The following SLC25A21 variants were observed in gnomAD, a reference collection of about 807,000 sequenced individuals.
SLC25A21 encodes the protein solute carrier family 25 member 21.
Under a neutral mutation model 43.8 loss-of-function variants are expected in SLC25A21, and 47 were observed. The ratio of observed to expected loss-of-function variants is 1.07; its 90% CI spans 0.85 to 1.37. The LOEUF (loss-of-function observed/expected upper bound fraction) is 1.37, where lower values mean the gene tolerates loss of function less well. SLC25A21 is among the 40% of genes most tolerant of loss of function. SLC25A21 has a pLI of 0.00. For synonymous variants in SLC25A21, 131 were observed against 121.3 expected (o/e 1.08, Z -0.52); for missense variants, 352 against 350.2 (o/e 1.00, Z -0.04).
intron 1 of SLC25A21, among the ~76,000 whole-genome samples, chr14:37,033,936 T>A (rs1382419237): frequency 6.6e-6 from 1 of 152,210 alleles, no homozygotes; most frequent in African/African-American, 2.4e-5. Flanking sequence ...TCCAAGAAGC[T>A]GAACACTTGT....
chr14:36,895,517 G>C (rs1891213298), intron 1 of SLC25A21, among the ~76,000 whole-genome samples: 1 of 152,036 alleles, frequency 6.6e-6, no homozygotes, highest in Admixed American at 6.5e-5. Flanking sequence ...TTTTTTGAAG[G>C]GTTTTTTGTG....
At chr14:37,132,823 C>T (rs1344245715) in intron 1 of SLC25A21, among the ~76,000 whole-genome samples, 2 of 151,940 alleles carry the variant, frequency 1.3e-5, no homozygotes, top group South Asian at 2.1e-4. Flanking sequence ...TCAACCTCCC[C>T]AGGCACAGGT....
At chr14:36,834,340 A>C (rs1889135487) in intron 2 of SLC25A21, among the ~76,000 whole-genome samples, 1 of 152,182 alleles carries the variant, frequency 6.6e-6, no homozygotes, top group South Asian at 2.1e-4. Context: ...ATATGGTAGA[A>C]ATAAAAAGGC....
intron 1 of SLC25A21, among the ~76,000 whole-genome samples, chr14:36,943,090 A>G (rs1371778012): frequency 6.6e-6 from 1 of 152,180 alleles, no homozygotes; most frequent in African/African-American, 2.4e-5. Flanking sequence ...ACATCAGTCA[A>G]GTCCACCAAG....
At chr14:37,111,982 A>G (rs1963027933) in intron 1 of SLC25A21, among the ~76,000 whole-genome samples, 1 of 152,224 alleles carries the variant, frequency 6.6e-6, no homozygotes, top group Non-Finnish European at 1.5e-5. Context: ...TTTTGCACCA[A>G]TAATGATTCT....
chr14:36,724,800 C>T (rs1884525365), intron 6 of SLC25A21, among the ~76,000 whole-genome samples: 2 of 151,982 alleles, frequency 1.3e-5, no homozygotes, highest in Non-Finnish European at 2.9e-5. Context: ...TCAGAATCTT[C>T]CAGGATGGGT....
At chr14:37,088,754 A>C (rs1031526926) in intron 1 of SLC25A21, among the ~76,000 whole-genome samples, 1 of 151,916 alleles carries the variant, frequency 6.6e-6, no homozygotes, top group African/African-American at 2.4e-5. Context: ...CCATAGGATC[A>C]TTTCCTTCTG....
chr14:37,001,551 C>T (rs1960489986), intron 1 of SLC25A21, among the ~76,000 whole-genome samples: 1 of 152,064 alleles, frequency 6.6e-6, no homozygotes, highest in Non-Finnish European at 1.5e-5. Flanking sequence ...TATGATAATT[C>T]CCAGAAATGT....
At chr14:37,091,398 C>T (rs114980732) in intron 1 of SLC25A21, among the ~76,000 whole-genome samples, 8,161 of 151,218 alleles carry the variant, frequency 0.054, 746 homozygotes, top group African/African-American at 0.19. Flanking sequence ...TGCACCACTG[C>T]GCTCCAGCCC....
chr14:37,089,211 C>T (rs1962538491), intron 1 of SLC25A21, among the ~76,000 whole-genome samples: 1 of 152,040 alleles, frequency 6.6e-6, no homozygotes, highest in African/African-American at 2.4e-5. Flanking sequence ...TGAAAAAAAT[C>T]ATAGACTTTC....
chr14:36,909,855 A>G (rs1891635217), intron 1 of SLC25A21, among the ~76,000 whole-genome samples: 1 of 152,032 alleles, frequency 6.6e-6, no homozygotes, highest in African/African-American at 2.4e-5. Flanking sequence ...AAACAAGGGA[A>G]TATATAGATT....
chr14:36,942,804 C>T (rs1051954315), intron 1 of SLC25A21, among the ~76,000 whole-genome samples: 2 of 152,170 alleles, frequency 1.3e-5, no homozygotes, highest in African/African-American at 4.8e-5. Context: ...GTATTTGGGA[C>T]ATAAGTAACC....
intron 1 of SLC25A21, among the ~76,000 whole-genome samples, chr14:37,107,921 G>A (rs1026917791): frequency 6.6e-6 from 1 of 152,134 alleles, no homozygotes; most frequent in African/African-American, 2.4e-5. Flanking sequence ...GACAGTTCCA[G>A]TTTATGCCTG....
rs71124784 is a variant in SLC25A21, at chr14:36,903,614, GAAAAAAAAAAAAAAAAA to G, written c.71-28627_71-28611del. ...GGTGACAGAGTGAGACTCCGTCTCA[GAAAAAAAAAAAAAAAAA>G]AAAAAAAAAAAATTGGTCGCCAAAA... On this transcript the variant is annotated intron_variant, in intron 1 of 9. Coordinates refer to ENST00000331299, the MANE Select transcript of SLC25A21 (RefSeq NM_030631.4). Among the ~76,000 whole-genome samples, 16 of 50,458 alleles carry G rather than the reference GAAAAAAAAAAAAAAAAA, an allele frequency of 3.2e-4. No individual in the cohort carries two copies. The South Asian group carries it at 0.021, about 65-fold the overall frequency. The allele number at this position is 50,458 out of a possible 152,430, so 33.1% of individuals were successfully genotyped here.
At chr14:36,919,611 TTATCTATCTACCTATCTATCTATC>T (rs1251127077) in intron 1 of SLC25A21, among the ~76,000 whole-genome samples, 19 of 125,920 alleles carry the variant, frequency 1.5e-4, no homozygotes, top group African/African-American at 3.5e-4. Flanking sequence ...AAATTCAAGA[TTATCTATCTACCTATCTATCTATC>T]TATCTATCTA....
At chr14:36,788,725 A>G (rs1214164195) in intron 3 of SLC25A21, 1 of 151,988 alleles carries the variant, frequency 6.6e-6, no homozygotes, top group Non-Finnish European at 1.5e-5. Flanking sequence ...TTCTGATGAT[A>G]TTGAAAGTCT....
intron 2 of SLC25A21, among the ~76,000 whole-genome samples, chr14:36,829,560 T>C (rs990757531): frequency 6.6e-6 from 1 of 152,192 alleles, no homozygotes; most frequent in African/African-American, 2.4e-5. Flanking sequence ...TGGTTTTCTT[T>C]CACCCTGCCC....
intron 1 of SLC25A21, among the ~76,000 whole-genome samples, chr14:36,994,161 A>G (rs916387269): frequency 2.0e-5 from 3 of 152,182 alleles, no homozygotes; most frequent in African/African-American, 7.2e-5. Context: ...CTGGCCAGCC[A>G]TTAGGGATCG....
At chr14:36,876,173 G>A (rs193084486) in intron 1 of SLC25A21, among the ~76,000 whole-genome samples, 1 of 152,280 alleles carries the variant, frequency 6.6e-6, no homozygotes, top group East Asian at 1.9e-4. Context: ...ATTTAGCCAT[G>A]ATGTAGTTTA....
Sources: allele counts gnomAD v4.1 joint callset (sites outside exome capture counted in the v4.1 genomes callset), GRCh38; gene constraint gnomAD v4.1.1; transcripts MANE v1.5; gene names NCBI Gene and HGNC (gene_info 2026-07-23, HGNC 2026-07-21).